NEMP2: variants seen among roughly 807,000 people sequenced by gnomAD.
The protein encoded by NEMP2 is nuclear envelope integral membrane protein 2.
NEMP2 carries 53 observed loss-of-function variants against 54.2 expected under a neutral mutation model. The observed-to-expected ratio is 0.98, with a 90% confidence interval of 0.78 to 1.23. NEMP2 has a LOEUF of 1.23. Among genes scored for constraint, NEMP2 ranks in the 50% most tolerant of loss-of-function variants. The pLI, the probability that NEMP2 is intolerant of heterozygous loss-of-function variation, is 0.00. For synonymous variants in NEMP2, 197 were observed against 190.3 expected (o/e 1.04, Z -0.29); for missense variants, 455 against 511.3 (o/e 0.89, Z 1.06).
chr2:190,449,921 G>A, the NEMP2 span, among the ~76,000 whole-genome samples: 1 of 152,010 alleles, frequency 6.6e-6, no homozygotes, highest in Non-Finnish European at 1.5e-5. Context: ...GCTAAATGAC[G>A]AGTTAATGGG....
In NEMP2 at chr2:190,517,595, G is replaced by C. The variant is rs1690607240; in HGVS notation, c.537C>G (p.Tyr179Ter). 6.5e-7 allele frequency: 1 copy of C among 1,548,576 alleles called. No homozygotes were observed. The highest frequency in any genetic ancestry group is 8.7e-7 in the Non-Finnish European group (1 of 1,145,878). ...GAACACCTAGCACAGTTCCCGAGGA[G>C]TAATAGAAAGTAGGGCTTCTGTCAA... ...RTLSQSPTFYYSSGTVLGVLM... is the reference protein window; with the variant it reads ...RTLSQSPTFY Residue 179 changes from tyrosine (Y) to a stop codon, truncating the protein, a stop_gained, in exon 5 of 9, where the codon TAC becomes TAG. Transcript: ENST00000409150. LOFTEE classifies it high-confidence loss of function.
chr2:190,444,617 G>A, the NEMP2 span, among the ~76,000 whole-genome samples: 4 of 152,026 alleles, frequency 2.6e-5, no homozygotes, highest in Non-Finnish European at 5.9e-5. Context: ...TTTTGTTTGT[G>A]TTTTTCATTT....
the NEMP2 span, among the ~76,000 whole-genome samples, chr2:190,603,095 A>T: frequency 1.3e-5 from 2 of 152,150 alleles, no homozygotes; most frequent in African/African-American, 2.4e-5. Context: ...AAAGTCAGTA[A>T]TTTCTGTTCC....
At chr2:190,546,793 G>A in the NEMP2 span, among the ~76,000 whole-genome samples, 3 of 152,122 alleles carry the variant, frequency 2.0e-5, no homozygotes, top group African/African-American at 7.2e-5. This position sits in a 1 kb window ranked among gnomAD's most constrained non-coding sequence, Gnocchi z 5.1. Flanking sequence ...GTAACAAAAT[G>A]TATAACTAAA....
At chr2:190,469,939 C>A in the NEMP2 span, 1 of 944,832 alleles carries the variant, frequency 1.1e-6, no homozygotes, top group Non-Finnish European at 1.6e-6. This position sits in a 1 kb window ranked among gnomAD's most constrained non-coding sequence, Gnocchi z 5.3. Flanking sequence ...GCATCTGATT[C>A]TATAAAGGAA....
chr2:190,426,150 C>T, the NEMP2 span, among the ~76,000 whole-genome samples: 2 of 152,106 alleles, frequency 1.3e-5, no homozygotes, highest in Non-Finnish European at 2.9e-5. The surrounding 1 kb of genome is among the most constrained non-coding windows in gnomAD (Gnocchi z 4.7). Flanking sequence ...TTTTCACTCC[C>T]TTTTTTTCTC....
chr2:190,480,608 A>G, the NEMP2 span, among the ~76,000 whole-genome samples: 2 of 152,248 alleles, frequency 1.3e-5, no homozygotes, highest in Non-Finnish European at 2.9e-5. Context: ...TAGCTGAGGC[A>G]GATTACCAAA....
the NEMP2 span, among the ~76,000 whole-genome samples, chr2:190,566,719 AAAGAAAG>A: frequency 2.9e-4 from 25 of 85,356 alleles, no homozygotes; most frequent in Non-Finnish European, 6.4e-4. Context: ...GGAAGAAAAG[AAAGAAAG>A]AAGGAAAGAA....
At chr2:190,481,196 C>T in the NEMP2 span, among the ~76,000 whole-genome samples, 3 of 152,198 alleles carry the variant, frequency 2.0e-5, no homozygotes, top group African/African-American at 7.2e-5. Context: ...TCTCCTAAAA[C>T]CTGCTTAAAG....
chr2:190,496,822 A>T, the NEMP2 span, among the ~76,000 whole-genome samples: 1 of 152,182 alleles, frequency 6.6e-6, no homozygotes, highest in African/African-American at 2.4e-5. This position sits in a 1 kb window ranked among gnomAD's most constrained non-coding sequence, Gnocchi z 4.7. Flanking sequence ...GGAAAACCAA[A>T]CATCGTATAT....
chr2:190,534,494 A>G (rs898133500), intron 1 of NEMP2, 65 bp downstream of exon 1: 2 of 1,314,590 alleles, frequency 1.5e-6, no homozygotes, highest in South Asian at 2.1e-5. Context: ...GCGCGCCCTC[A>G]GGGCAGCCGC....
chr2:190,537,148 AAG>A (rs1691402361), upstream of NEMP2, among the ~76,000 whole-genome samples: 1 of 152,220 alleles, frequency 6.6e-6, no homozygotes, highest in Non-Finnish European at 1.5e-5. Context: ...TTTCAGCAGA[AAG>A]AGGAAAATTA....
chr2:190,515,788 T>C (rs1483959546), intron 6 of NEMP2, among the ~76,000 whole-genome samples: 1 of 152,214 alleles, frequency 6.6e-6, no homozygotes, highest in Non-Finnish European at 1.5e-5. Flanking sequence ...AAAACATTTA[T>C]TTTGTAATGT....
At chr2:190,630,291 C>T in the NEMP2 span, among the ~76,000 whole-genome samples, 9 of 152,296 alleles carry the variant, frequency 5.9e-5, no homozygotes, top group Non-Finnish European at 1.0e-4. The surrounding 1 kb of genome is among the most constrained non-coding windows in gnomAD (Gnocchi z 5.5). Flanking sequence ...AATCTCGTCT[C>T]ACTGCAACTT....
chr2:190,479,999 C>T, the NEMP2 span, among the ~76,000 whole-genome samples: 4 of 152,052 alleles, frequency 2.6e-5, no homozygotes, highest in African/African-American at 7.2e-5. Context: ...CCTGTCTCTA[C>T]AAAATATTTA....
At chr2:190,460,756 C>A in the NEMP2 span, among the ~76,000 whole-genome samples, 2 of 152,192 alleles carry the variant, frequency 1.3e-5, no homozygotes, top group African/African-American at 4.8e-5. Flanking sequence ...TATCAAGACA[C>A]AGAGACAGGT....
At chr2:190,543,094 T>A in the NEMP2 span, among the ~76,000 whole-genome samples, 1 of 152,268 alleles carries the variant, frequency 6.6e-6, no homozygotes, top group Non-Finnish European at 1.5e-5. The surrounding 1 kb of genome is among the most constrained non-coding windows in gnomAD (Gnocchi z 4.7). Context: ...ACTAGGCTGC[T>A]ATCTTCTTTT....
chr2:190,644,853 T>C, the NEMP2 span, among the ~76,000 whole-genome samples: 1 of 151,996 alleles, frequency 6.6e-6, no homozygotes, highest in African/African-American at 2.4e-5. This position sits in a 1 kb window ranked among gnomAD's most constrained non-coding sequence, Gnocchi z 4.4. Flanking sequence ...GTGACACAAG[T>C]TTACCTATGT....
At chr2:190,645,863 A>C in the NEMP2 span, among the ~76,000 whole-genome samples, 1 of 152,264 alleles carries the variant, frequency 6.6e-6, no homozygotes, top group Non-Finnish European at 1.5e-5. Context: ...AAGACAATCA[A>C]AACTATAAAC....
Sources: allele counts gnomAD v4.1 joint callset (sites outside exome capture counted in the v4.1 genomes callset), GRCh38; gene constraint gnomAD v4.1.1; non-coding constraint Gnocchi (gnomAD v3.1); transcripts MANE v1.5; gene names NCBI Gene and HGNC (gene_info 2026-07-23, HGNC 2026-07-21).